ZNF160: variants seen among roughly 807,000 people sequenced by gnomAD.
ZNF160 encodes zinc finger protein 160.
In ZNF160, 9 loss-of-function variants were observed where a neutral mutation model predicts 13.1. The observed-to-expected ratio is 0.69, with a 90% CI of 0.41 to 1.20. ZNF160 has a LOEUF of 1.20. Ranked by LOEUF, ZNF160 falls within the 50% of genes most tolerant of loss-of-function variation. ZNF160 has a pLI of 0.01. For synonymous variants in ZNF160, 293 were observed against 333.2 expected (o/e 0.88, Z 1.31); for missense variants, 838 against 988.0 (o/e 0.85, Z 2.04).
chr19:53,070,358 T>C (rs188970754), intron 5 of ZNF160, 96 bp from the exon 6 acceptor site: 9 of 1,243,792 alleles, frequency 7.2e-6, no homozygotes, highest in East Asian at 2.7e-5. Context: ...GTAATACTTA[T>C]ATTGAACAGA....
At chr19:53,101,657 G>C (rs889520716) in intron 1 of ZNF160, among the ~76,000 whole-genome samples, 1 of 152,130 alleles carries the variant, frequency 6.6e-6, no homozygotes, top group South Asian at 2.1e-4. Context: ...GCACCAGGCA[G>C]TGACACAGCC....
At chr19:53,087,322 T>C (rs891291616) in intron 2 of ZNF160, among the ~76,000 whole-genome samples, 3 of 152,156 alleles carry the variant, frequency 2.0e-5, no homozygotes, top group Non-Finnish European at 2.9e-5. Context: ...CTCCCATACG[T>C]CAAAAAAATT....
Position 53,075,104 on chromosome 19 carries a change from A to G in ZNF160, c.95T>C (p.Leu32Ser). The stretch of plus-strand genomic sequence containing the variant: ...GTTCTCCAACATCACGTCCCTGTAT[A>G]AGATCCTCTGAGCAGGGTCCAGGCA... ...WKCLDPAQRI[L>S]YRDVMLENYW... The change falls in exon 4 of 6, where the codon TTA (leucine) becomes TCA (serine). Residue 32 changes from leucine (L) to serine (S), a missense_variant. Transcript: ENST00000683776. The G allele has an allele frequency of 6.2e-7, 1 of 1,614,226 alleles. No individual in the cohort carries two copies.
At chr19:53,098,943 C>T (rs1349966355) in intron 1 of ZNF160, among the ~76,000 whole-genome samples, 3 of 150,262 alleles carry the variant, frequency 2.0e-5, no homozygotes, top group South Asian at 2.1e-4. Flanking sequence ...GAAGTTTAGA[C>T]CAATTACGGA....
rs755938552 is a variant in ZNF160 at position 53,075,169 on chromosome 19, A to G, written c.30T>C (p.Phe10=). The G allele has an allele frequency of 2.9e-5, 47 of 1,614,126 alleles. No homozygotes were observed. Among genetic ancestry groups the G allele is most frequent in the Middle Eastern group, 1.6e-4 (1 of 6,062 alleles). ...GAGAGAATTCTATGGCCACATCCCT[A>G]AATGTCAACCGTACCTAAAATGAAA... The part of the protein sequence containing the change: MALTQVRLT[F]RDVAIEFSQE... Residue 10 remains phenylalanine (F), a synonymous_variant, in exon 4 of 6, where the codon TTT becomes TTC. Transcript: ENST00000683776.
rs546620892 is a variant in ZNF160, at chr19:53,067,908, C to T, written c.*169G>A. On this transcript the variant is annotated 3_prime_UTR_variant, in exon 6 of 6. Coordinates refer to ENST00000683776, the MANE Select transcript of ZNF160 (RefSeq NM_001322131.2). ...TAGTAACCTGCGAGGCCTGGATAGACCCTCTGCCACATATGTTTACATGAT... is the reference window on the plus strand; with the variant it reads ...TAGTAACCTGCGAGGCCTGGATAGATCCTCTGCCACATATGTTTACATGAT... 10 of 931,274 alleles carry T rather than the reference C, an allele frequency of 1.1e-5. No individual in the cohort carries two copies. Among genetic ancestry groups the T allele is most frequent in the Non-Finnish European group, 1.6e-5 (10 of 640,670 alleles). 57.7% of individuals were successfully genotyped at this position (931,274 alleles called of 1,614,324 possible). A position where few individuals can be genotyped will look rare whatever the true frequency, so the allele number is the denominator to read the frequency against.
intron 3 of ZNF160, among the ~76,000 whole-genome samples, chr19:53,084,449 G>A (rs917881291): frequency 6.6e-6 from 1 of 152,178 alleles, no homozygotes. Flanking sequence ...TCTGCAAGCA[G>A]CGAGCAACTG....
At chr19:53,088,925 TCTGA>T (rs781479531) in intron 2 of ZNF160, among the ~76,000 whole-genome samples, 5 of 152,226 alleles carry the variant, frequency 3.3e-5, no homozygotes, top group Non-Finnish European at 7.3e-5. Flanking sequence ...TGCTGTACGC[TCTGA>T]CTGACCTGGT....
At chr19:53,088,336 T>C (rs893250908) in intron 2 of ZNF160, among the ~76,000 whole-genome samples, 3 of 152,068 alleles carry the variant, frequency 2.0e-5, no homozygotes, top group Non-Finnish European at 4.4e-5. Flanking sequence ...GAATGCTGGA[T>C]GTGAAAGCTA....
chr19:53,103,014 C>G (rs1346073302), intron 1 of ZNF160, among the ~76,000 whole-genome samples: 1 of 152,134 alleles, frequency 6.6e-6, no homozygotes, highest in East Asian at 1.9e-4. Context: ...GGCGGCGCTG[C>G]GCTCCAGGGG....
At chr19:53,082,496 T>C (rs1013005718) in intron 3 of ZNF160, among the ~76,000 whole-genome samples, 1 of 151,934 alleles carries the variant, frequency 6.6e-6, no homozygotes, top group African/African-American at 2.4e-5. Flanking sequence ...GGAAATACAA[T>C]GAAACCTCAT....
rs61745786 is a variant in ZNF160 at position 53,069,889 on chromosome 19, G to A, written c.645C>T (p.Ser215=). 5.8e-4 allele frequency: 934 copies of A among 1,614,104 alleles called. 3 individuals are homozygous for A. In the African/African-American group the frequency reaches 8.5e-3, roughly 15 times the overall value. Residue 215 remains serine, a synonymous_variant, in exon 6 of 6, where the codon TCC becomes TCT. Transcript: ENST00000683776. The surrounding 1 kb of genome is among the most constrained non-coding windows in gnomAD (Gnocchi z 4.4). ...NQVEKSTNNG[S]SVSPLQQIPS... ...GAATTTGTTGAAGTGGTGACACTGA[G>A]GAACCATTGTTGGTAGACTTCTCAA...
In ZNF160 at chr19:53,069,475, A is replaced by G. The variant is rs749325913; in HGVS notation, c.1059T>C (p.His353=). The stretch of plus-strand genomic sequence containing the variant: ...TTAACTGATGGGTAGTTAGGTTTGA[A>G]TGTCCTCTAAAGGCTTTTCCACACT... ...CNECGKAFRG[H]SNLTTHQLIH... is the part of the protein sequence containing the mutation. Residue 353 remains histidine, a synonymous_variant, in exon 6 of 6, where the codon CAT becomes CAC. Transcript: ENST00000683776. The surrounding 1 kb of genome is among the most constrained non-coding windows in gnomAD (Gnocchi z 4.4). 3.1e-6 allele frequency: 5 copies of G among 1,613,998 alleles called. No homozygotes were observed. Among genetic ancestry groups the G allele is most frequent in the Admixed American group, 3.3e-5 (2 of 60,008 alleles).
At chr19:53,079,805 G>C (rs1379294325) in intron 3 of ZNF160, among the ~76,000 whole-genome samples, 2 of 151,932 alleles carry the variant, frequency 1.3e-5, no homozygotes, top group Admixed American at 1.3e-4. Flanking sequence ...CAGAAAGAGG[G>C]CTGCATGCAG....
intron 1 of ZNF160, among the ~76,000 whole-genome samples, chr19:53,101,765 TGGCTAAACAGCATG>T (rs568062436): frequency 6.6e-6 from 1 of 152,290 alleles, no homozygotes; most frequent in South Asian, 2.1e-4. Context: ...CACTGCCCAA[TGGCTAAACAGCATG>T]GGCAAATGAA....
chr19:53,073,270 T>G, intron 5 of ZNF160: 1 of 1,541,680 alleles, frequency 6.5e-7, no homozygotes, highest in Non-Finnish European at 8.7e-7. Flanking sequence ...ACGCACCCCA[T>G]GTAAGACTGA....
At chr19:53,073,750 A>G (rs1390259322) in intron 5 of ZNF160, among the ~76,000 whole-genome samples, 1 of 152,102 alleles carries the variant, frequency 6.6e-6, no homozygotes, top group Non-Finnish European at 1.5e-5. Context: ...TTATTTTCCC[A>G]AAGAACTCTC....
At chr19:53,087,008 G>A (rs929138756) in intron 2 of ZNF160, among the ~76,000 whole-genome samples, 1 of 152,218 alleles carries the variant, frequency 6.6e-6, no homozygotes, top group African/African-American at 2.4e-5. Flanking sequence ...GGGGGTGAAG[G>A]TGGGCCTGCA....
Position 53,069,043 on chromosome 19 carries a change from T to C in ZNF160, c.1491A>G (p.Ala497=), listed in dbSNP as rs2084066005. 1 of 1,614,162 alleles carries C rather than the reference T, an allele frequency of 6.2e-7. No individual in the cohort carries two copies. Among genetic ancestry groups the C allele is most frequent in the Non-Finnish European group, 8.5e-7 (1 of 1,180,034 alleles). ...CTCCAGTATGAATTCTTCGATGATT[T>C]GCAAGTTGTGAATTTTGAGTGAAAA... ...SKVFTQNSQL[A]NHRRIHTGEK... Residue 497 remains alanine (A), a synonymous_variant, in exon 6 of 6, where the codon GCA becomes GCG. Transcript: ENST00000683776. The surrounding 1 kb of genome is among the most constrained non-coding windows in gnomAD (Gnocchi z 4.4).
Sources: gnomAD v4.1 joint callset for allele counts (sites outside exome capture counted in the v4.1 genomes callset) on GRCh38, gnomAD v4.1.1 for gene constraint, Gnocchi (gnomAD v3.1) non-coding constraint, MANE v1.5 for transcripts, NCBI Gene and HGNC (gene_info 2026-07-23, HGNC 2026-07-21) for gene names.